Variants in CNGB1 observed in about 807,000 individuals in gnomAD.
CNGB1 encodes the protein cyclic nucleotide-gated channel beta-1.
Under a neutral mutation model 151.7 loss-of-function variants are expected in CNGB1, and 126 were observed. The ratio of observed to expected loss-of-function variants is 0.83; its 90% confidence interval spans 0.72 to 0.96. CNGB1 has a LOEUF of 0.96. Ranked by LOEUF, CNGB1 falls within the 40% of genes least tolerant of loss-of-function variation. The probability of loss-of-function intolerance (pLI) is 0.00; values close to 1 mark genes in which losing one functional copy is unlikely to be tolerated. For synonymous variants in CNGB1, 623 were observed against 635.1 expected, an observed-to-expected ratio of 0.98 and a Z score of 0.29; for missense variants, 1,698 against 1,627.0, an observed-to-expected ratio of 1.04 and a Z score of -0.75.
rs540220071 is a variant in CNGB1, at chr16:57,943,647, T to C, written c.1122-3326A>G. Among the ~76,000 whole-genome samples, 3 of 152,236 alleles carry C rather than the reference T, an allele frequency of 2.0e-5. No individual in the cohort carries two copies. In the East Asian group the frequency reaches 5.8e-4, roughly 29 times the overall value. On this transcript the variant is annotated intron_variant, in intron 14 of 32. Transcript: ENST00000251102. ...ATTGCACCATTGCACTCCAGCTGTC[T>C]GTCGCCCTGCCCCCACCCGAAAAAA...
At chr16:57,897,568 G>C (rs1206219749) in intron 30 of CNGB1, 25 bp from the exon 31 acceptor site, 1 of 1,613,562 alleles carries the variant, frequency 6.2e-7, no homozygotes, top group Non-Finnish European at 8.5e-7. Flanking sequence ...GGAGGAAGGA[G>C]GCCCTTCAGA....
intron 16 of CNGB1, among the ~76,000 whole-genome samples, chr16:57,934,588 G>T (rs1471445329): frequency 5.9e-5 from 9 of 152,126 alleles, no homozygotes; most frequent in African/African-American, 1.9e-4. Context: ...CCCAAGTGTG[G>T]GGCTCCCAGA....
chr16:57,933,804 C>A (rs1325801641), intron 16 of CNGB1, among the ~76,000 whole-genome samples: 5 of 147,960 alleles, frequency 3.4e-5, no homozygotes, highest in Non-Finnish European at 6.0e-5. Context: ...CTCACTGCAA[C>A]CTCTGCCTCC....
chr16:57,958,594 GC>G, intron 10 of CNGB1, 109 bp from the exon 11 acceptor site: 1 of 971,242 alleles, frequency 1.0e-6, no homozygotes, highest in Non-Finnish European at 1.6e-6. Context: ...AAAAGGCAGA[GC>G]CTGCCAGGAG....
At chr16:57,903,453 C>T (rs1960444949) in intron 27 of CNGB1, among the ~76,000 whole-genome samples, 1 of 152,100 alleles carries the variant, frequency 6.6e-6, no homozygotes. Flanking sequence ...GATTGCTCCA[C>T]TGCACTCCAG....
intron 17 of CNGB1, among the ~76,000 whole-genome samples, chr16:57,925,569 C>G (rs1014853769): frequency 6.6e-6 from 1 of 152,216 alleles, no homozygotes; most frequent in Non-Finnish European, 1.5e-5. Flanking sequence ...TCTCCTCAGC[C>G]TTGGTGAACA....
intron 17 of CNGB1, among the ~76,000 whole-genome samples, chr16:57,927,272 C>T (rs1362185158): frequency 1.3e-5 from 2 of 152,320 alleles, no homozygotes; most frequent in Non-Finnish European, 2.9e-5. Context: ...TCACTCCAAG[C>T]CATGGCCTTA....
chr16:57,928,583 G>C lies in CNGB1; in HGVS notation c.1535+3133C>G, dbSNP rs186516176. ...AGTAAAAACACCATCTTGGGTGGTG[G>C]GATTGTAGATGATTATTTTTCTAGT... On this transcript the variant is annotated intron_variant, in intron 17 of 32. Coordinates refer to ENST00000251102, the MANE Select transcript of CNGB1 (RefSeq NM_001297.5). Among the ~76,000 whole-genome samples the C allele has an allele frequency of 2.3e-3, 351 of 152,206 alleles. 3 individuals are homozygous for C. Among genetic ancestry groups the C allele is most frequent in the African/African-American group, 8.3e-3 (344 of 41,530 alleles).
At chr16:57,961,910 C>G (rs144747964) in intron 7 of CNGB1, among the ~76,000 whole-genome samples, 10 of 152,340 alleles carry the variant, frequency 6.6e-5, no homozygotes, top group Middle Eastern at 6.8e-3. Context: ...AAACTACAAA[C>G]TGGGAGCTTC....
chr16:57,904,790 A>G lies in CNGB1; in HGVS notation c.2578T>C (p.Phe860Leu). 5.0e-6 allele frequency: 8 copies of G among 1,614,212 alleles called. No homozygotes were observed. Among genetic ancestry groups the G allele is most frequent in the Non-Finnish European group, 6.8e-6 (8 of 1,180,046 alleles). ...CCCGTGAAATAATTCAGCAGCTGGA[A>G]GACAATTTCAAAGAGTGTCTTGGGG... Reference protein sequence around the residue: ...PDPKTLFEIVFQLLNYFTGVF... With the variant: ...PDPKTLFEIVLQLLNYFTGVF... The change falls in exon 26 of 33, where the codon TTC becomes CTC. Residue 860 changes from phenylalanine (F) to leucine (L), a missense_variant. Phe to Leu is a conservative substitution (Grantham distance 22, BLOSUM62 0). Transcript: ENST00000251102.
At chr16:57,933,541 C>T (rs1238572966) in intron 16 of CNGB1, among the ~76,000 whole-genome samples, 6 of 152,112 alleles carry the variant, frequency 3.9e-5, no homozygotes, top group Admixed American at 1.3e-4. Flanking sequence ...TCAGAGGATA[C>T]TGAGAGGCTG....
chr16:57,944,878 C>T lies in CNGB1; in HGVS notation c.1121+4475G>A, dbSNP rs1344589405. ...CTGAGGCAGGAGAATCGCTTGAACC[C>T]AGGAGGCAGAGATTGCAGTGAGCCA... On this transcript the variant is annotated intron_variant, in intron 14 of 32. Coordinates refer to ENST00000251102, the MANE Select transcript of CNGB1 (RefSeq NM_001297.5). 1.5e-4 allele frequency among the ~76,000 whole-genome samples: 22 copies of T among 146,018 alleles called. No individual in the cohort carries two copies. The Admixed American group carries it at 1.5e-3, about 10-fold the overall frequency.
chr16:57,959,383 G>A (rs1301712691), intron 10 of CNGB1, among the ~76,000 whole-genome samples: 1 of 151,958 alleles, frequency 6.6e-6, no homozygotes, highest in Non-Finnish European at 1.5e-5. Flanking sequence ...AGAGGCCAAG[G>A]CGGTCAGATT....
intron 21 of CNGB1, 60 bp downstream of exon 21, chr16:57,917,208 G>T: frequency 7.0e-7 from 1 of 1,419,990 alleles, no homozygotes; most frequent in Non-Finnish European, 9.8e-7. Context: ...TCAGTGCCCT[G>T]GAGGCTCTGG....
chr16:57,897,591 G>T (rs151078189), intron 30 of CNGB1, 48 bp from the exon 31 acceptor site: 17 of 1,612,284 alleles, frequency 1.1e-5, no homozygotes, highest in Non-Finnish European at 1.4e-5. Flanking sequence ...CTGCCGTTTC[G>T]GTCACATTCA....
intron 31 of CNGB1, among the ~76,000 whole-genome samples, chr16:57,893,966 G>A (rs1314712090): frequency 6.6e-6 from 1 of 152,142 alleles, no homozygotes; most frequent in African/African-American, 2.4e-5. Context: ...CAGACCTATT[G>A]TGGGGTTCCT....
At chr16:57,899,145 A>G (rs1259000964) in intron 29 of CNGB1, among the ~76,000 whole-genome samples, 5 of 152,180 alleles carry the variant, frequency 3.3e-5, no homozygotes, top group African/African-American at 9.7e-5. Context: ...GAATGAATAC[A>G]ATGGCCTTAA....
At chr16:57,947,276 G>T (rs1176514161) in intron 14 of CNGB1, among the ~76,000 whole-genome samples, 1 of 152,222 alleles carries the variant, frequency 6.6e-6, no homozygotes. Flanking sequence ...GGGTGTCTCA[G>T]ATCCAGAGCA....
At chr16:57,912,500 T>G (rs1295982641) in intron 24 of CNGB1, among the ~76,000 whole-genome samples, 1 of 152,124 alleles carries the variant, frequency 6.6e-6, no homozygotes, top group African/African-American at 2.4e-5. Context: ...TGGCTTCCAG[T>G]GGAGACGGGG....
Sources: allele counts gnomAD v4.1 joint callset (sites outside exome capture counted in the v4.1 genomes callset), GRCh38; gene constraint gnomAD v4.1.1; transcripts MANE v1.5; gene names NCBI Gene and HGNC (gene_info 2026-07-23, HGNC 2026-07-21).